Variants in CABLES1 observed in about 807,000 individuals in gnomAD.
The protein encoded by CABLES1 is Cdk5 and Abl enzyme substrate 1.
Under a neutral mutation model 57.8 loss-of-function variants are expected in CABLES1, and 36 were observed. The ratio of observed to expected loss-of-function variants is 0.62; its 90% CI spans 0.48 to 0.82. The LOEUF is 0.82. Ranked by LOEUF, CABLES1 falls within the 40% of genes least tolerant of loss-of-function variation. The pLI is 0.00. For synonymous variants in CABLES1, 374 were observed against 363.0 expected, an observed-to-expected ratio of 1.03 and a Z score of -0.35; for missense variants, 767 against 836.6, an observed-to-expected ratio of 0.92 and a Z score of 1.03.
intron 1 of CABLES1, among the ~76,000 whole-genome samples, chr18:23,184,313 G>A (rs1042149644): frequency 7.0e-5 from 9 of 128,840 alleles, no homozygotes; most frequent in Admixed American, 1.1e-4. Flanking sequence ...TGGCACGTGT[G>A]TGTGTGTGTG....
At chr18:23,171,893 A>G (rs1471306542) in intron 1 of CABLES1, among the ~76,000 whole-genome samples, 1 of 152,198 alleles carries the variant, frequency 6.6e-6, no homozygotes, top group African/African-American at 2.4e-5. Context: ...CTGAGCTACC[A>G]TGAGCCACCT....
chr18:23,206,129 C>T (rs7245326), intron 3 of CABLES1, among the ~76,000 whole-genome samples: 101,393 of 152,056 alleles, frequency 0.67, 34,227 homozygotes, highest in East Asian at 0.8. Context: ...GCCCATCTGA[C>T]AGCGCCTGCC....
chr18:23,159,211 C>T (rs1262110324), intron 1 of CABLES1, among the ~76,000 whole-genome samples: 2 of 152,248 alleles, frequency 1.3e-5, no homozygotes, highest in African/African-American at 2.4e-5. Flanking sequence ...GTAATCCACC[C>T]GCCTTGGCCT....
chr18:23,191,069 C>A (rs868423545), intron 2 of CABLES1, among the ~76,000 whole-genome samples: 1 of 146,466 alleles, frequency 6.8e-6, no homozygotes, highest in African/African-American at 2.6e-5. Flanking sequence ...TGTAGTGAGA[C>A]CCCATCTCTA....
chr18:23,151,765 G>A (rs973315835), intron 1 of CABLES1, among the ~76,000 whole-genome samples: 3 of 152,188 alleles, frequency 2.0e-5, no homozygotes, highest in African/African-American at 7.2e-5. Flanking sequence ...GACTTGACAA[G>A]GGCTAGAAGG....
At chr18:23,141,279 C>T (rs1201207067) in intron 1 of CABLES1, among the ~76,000 whole-genome samples, 1 of 152,250 alleles carries the variant, frequency 6.6e-6, no homozygotes, top group African/African-American at 2.4e-5. Flanking sequence ...GCCCCTCCCG[C>T]TGCATTGCCC....
chr18:23,184,314 T>C (rs1023342429), intron 1 of CABLES1, among the ~76,000 whole-genome samples: 1 of 133,966 alleles, frequency 7.5e-6, no homozygotes, highest in Non-Finnish European at 1.5e-5. Context: ...GGCACGTGTG[T>C]GTGTGTGTGT....
chr18:23,160,214 T>C (rs2046994183), intron 1 of CABLES1, among the ~76,000 whole-genome samples: 1 of 151,854 alleles, frequency 6.6e-6, no homozygotes, highest in Non-Finnish European at 1.5e-5. Context: ...ATTTTTTGTA[T>C]TTTTAGTAGA....
intron 1 of CABLES1, among the ~76,000 whole-genome samples, chr18:23,183,881 C>T (rs1038307190): frequency 3.3e-5 from 5 of 152,264 alleles, no homozygotes; most frequent in South Asian, 2.1e-4. Flanking sequence ...ATTGGCCGCC[C>T]GCCCTGAGGC....
chr18:23,167,923 G>A (rs113876016), intron 1 of CABLES1, among the ~76,000 whole-genome samples: 2,309 of 152,346 alleles, frequency 0.015, 60 homozygotes, highest in African/African-American at 0.053. Context: ...TCATGCACAC[G>A]CTTAAATGCA....
intron 1 of CABLES1, among the ~76,000 whole-genome samples, chr18:23,154,141 A>G (rs2046950662): frequency 6.6e-6 from 1 of 152,212 alleles, no homozygotes; most frequent in Non-Finnish European, 1.5e-5. Context: ...AGCTTTTTCA[A>G]ACAATTTCTA....
At chr18:23,212,972 A>G (rs2145051872) in intron 3 of CABLES1, among the ~76,000 whole-genome samples, 1 of 152,318 alleles carries the variant, frequency 6.6e-6, no homozygotes, top group Non-Finnish European at 1.5e-5. Context: ...TAAGTACTTC[A>G]GCACGGGTAG....
At chr18:23,152,629 C>T (rs918659410) in intron 1 of CABLES1, among the ~76,000 whole-genome samples, 2 of 151,368 alleles carry the variant, frequency 1.3e-5, no homozygotes, top group Admixed American at 1.3e-4. Context: ...GGATTACAGG[C>T]ACCTGCCATC....
chr18:23,194,892 T>A (rs1260793258), intron 3 of CABLES1, among the ~76,000 whole-genome samples: 2 of 152,210 alleles, frequency 1.3e-5, no homozygotes, highest in Non-Finnish European at 2.9e-5. Flanking sequence ...TTGTTTTCGT[T>A]TTTCACTACC....
chr18:23,202,705 G>A (rs1191784579), intron 3 of CABLES1, among the ~76,000 whole-genome samples: 2 of 152,218 alleles, frequency 1.3e-5, no homozygotes, highest in African/African-American at 4.8e-5. Flanking sequence ...GAGACACTCG[G>A]CCAGGGCGTG....
At chr18:23,184,040 GGGAACA>G (rs1291452934) in intron 1 of CABLES1, among the ~76,000 whole-genome samples, 2 of 152,152 alleles carry the variant, frequency 1.3e-5, no homozygotes, top group African/African-American at 2.4e-5. Flanking sequence ...CCTTGAGGCA[GGGAACA>G]GGTCCTCATC....
At chr18:23,136,739 G>C (rs1312046223) in intron 1 of CABLES1, 132 bp downstream of exon 1, 5 of 568,984 alleles carry the variant, frequency 8.8e-6, no homozygotes, top group Non-Finnish European at 1.1e-5. Context: ...TGTGCTCCGG[G>C]CCCGAATCCC....
intron 4 of CABLES1, among the ~76,000 whole-genome samples, chr18:23,229,732 C>T (rs972329450): frequency 2.0e-5 from 3 of 152,204 alleles, no homozygotes; most frequent in African/African-American, 4.8e-5. Context: ...TCTTTTGGAG[C>T]GAATCTCCAC....
chr18:23,151,261 G>T (rs535685240), intron 1 of CABLES1, among the ~76,000 whole-genome samples: 2 of 151,958 alleles, frequency 1.3e-5, no homozygotes, highest in African/African-American at 4.8e-5. Flanking sequence ...CTCATGATCC[G>T]CCTGCCTCGG....
Sources: gnomAD v4.1 joint callset for allele counts (sites outside exome capture counted in the v4.1 genomes callset) on GRCh38, gnomAD v4.1.1 for gene constraint, MANE v1.5 for transcripts, NCBI Gene and HGNC (gene_info 2026-07-23, HGNC 2026-07-21) for gene names.